Variants in COL17A1 observed in about 807,000 individuals in gnomAD.
COL17A1 encodes the protein collagen alpha-1(XVII) chain.
In COL17A1, 181 loss-of-function variants were observed where a neutral mutation model predicts 218.4. That is an observed-to-expected ratio of 0.83 (90% CI 0.73 to 0.94). The LOEUF is 0.94. COL17A1 is among the 40% of genes least tolerant of loss of function. The pLI, the probability that COL17A1 is intolerant of heterozygous loss-of-function variation, is 0.00. For missense variants in COL17A1, 1,924 were observed against 1,945.9 expected (o/e 0.99, Z 0.21); for synonymous variants, 721 against 731.0 (o/e 0.99, Z 0.22).
chr10:104,074,568 G>A (rs2086694164), intron 5 of COL17A1, among the ~76,000 whole-genome samples: 1 of 152,194 alleles, frequency 6.6e-6, no homozygotes, highest in Non-Finnish European at 1.5e-5. Flanking sequence ...CAAGTGACCT[G>A]CCCTGATCAA....
rs375832417 is a variant in COL17A1, at chr10:104,045,744, G to A, written c.2398+14C>T. On this transcript the variant is annotated intron_variant, in intron 33 of 55. Transcript: ENST00000648076. ...CAGTGAAAAGAAAGAAATCTCATTT[G>A]GAAATTCACTTACCTTTTATTCCTG... The A allele has an allele frequency of 1.9e-6, 3 of 1,605,162 alleles. No homozygotes were observed. The highest frequency in any genetic ancestry group is 2.6e-6 in the Non-Finnish European group (3 of 1,171,678).
chr10:104,040,461 G>C, intron 39 of COL17A1, 51 bp from the exon 40 acceptor site: 1 of 1,212,362 alleles, frequency 8.2e-7, no homozygotes. Flanking sequence ...TTGTGAAGAA[G>C]CAGCACTTTG....
At chr10:104,036,193 T>A (rs2086296163) in intron 48 of COL17A1, among the ~76,000 whole-genome samples, 4 of 150,168 alleles carry the variant, frequency 2.7e-5, no homozygotes, top group South Asian at 4.2e-4. Flanking sequence ...AGTGAGTGTG[T>A]GTGTGTATGG....
Position 104,031,569 on chromosome 10 carries a change from CAT to C in COL17A1, c.*664_*665del, listed in dbSNP as rs1392960823. The C allele has an allele frequency of 6.5e-6, 1 of 152,816 alleles. No homozygotes were observed. Among genetic ancestry groups the C allele is most frequent in the East Asian group, 1.9e-4 (1 of 5,200 alleles). 9.5% of individuals were successfully genotyped at this position (152,816 alleles called of 1,614,324 possible). A position where few individuals can be genotyped will look rare whatever the true frequency, so the allele number is the denominator to read the frequency against. On this transcript the variant is annotated 3_prime_UTR_variant, in exon 56 of 56. Transcript: ENST00000648076. ...TTTGCTCTGGCCTGGTTCAGTATAA[CAT>C]ATCCATGAACTCTAGTATGGGCCTA...
intron 53 of COL17A1, 44 bp downstream of exon 53, chr10:104,033,194 T>G: frequency 6.4e-7 from 1 of 1,566,460 alleles, no homozygotes; most frequent in Non-Finnish European, 8.7e-7. Flanking sequence ...CGTGGGAACC[T>G]ATGCAGTGAG....
At chr10:104,036,350 G>C (rs915475205) in intron 48 of COL17A1, 142 bp downstream of exon 48, 8 of 1,221,626 alleles carry the variant, frequency 6.5e-6, no homozygotes, top group African/African-American at 1.5e-5. Flanking sequence ...AGGTTTGAAC[G>C]GCTCTGAGCA....
chr10:104,083,738 C>T (rs564479563), intron 1 of COL17A1, among the ~76,000 whole-genome samples: 16 of 152,188 alleles, frequency 1.1e-4, no homozygotes, highest in Admixed American at 2.0e-4. Context: ...TGGGTTTAAA[C>T]CATCACATTA....
intron 17 of COL17A1, among the ~76,000 whole-genome samples, chr10:104,056,427 A>G (rs2086527252): frequency 6.6e-6 from 1 of 151,234 alleles, no homozygotes; most frequent in Non-Finnish European, 1.5e-5. Context: ...CTAAAAATAC[A>G]AAAAATTAGC....
At chr10:104,063,945 T>C in intron 10 of COL17A1, 127 bp from the exon 11 acceptor site, 1 of 1,398,210 alleles carries the variant, frequency 7.2e-7, no homozygotes, top group Non-Finnish European at 9.9e-7. Context: ...AAATTTTTGT[T>C]TTTAGGAAAA....
intron 2 of COL17A1, 21 bp downstream of exon 2, chr10:104,080,601 A>T (rs1172991373): frequency 3.1e-6 from 5 of 1,611,040 alleles, no homozygotes; most frequent in South Asian, 1.1e-5. Context: ...CACATAAATT[A>T]AAAAATTCTG....
intron 32 of COL17A1, 40 bp from the exon 33 acceptor site, chr10:104,045,833 C>T: frequency 6.4e-7 from 1 of 1,555,172 alleles, no homozygotes; most frequent in Non-Finnish European, 8.9e-7. Flanking sequence ...GATGAAGGCC[C>T]AGCAATTCCA....
intron 14 of COL17A1, 39 bp from the exon 15 acceptor site, chr10:104,059,757 C>T: frequency 6.3e-7 from 1 of 1,583,032 alleles, no homozygotes; most frequent in Non-Finnish European, 8.7e-7. Flanking sequence ...ATATTCTCTT[C>T]TCAACCTCTC....
chr10:104,047,293 C>CAT (rs1396188045), intron 31 of COL17A1, among the ~76,000 whole-genome samples: 1 of 151,998 alleles, frequency 6.6e-6, no homozygotes, highest in Non-Finnish European at 1.5e-5. Context: ...CCTCCTCGGC[C>CAT]TCGTGGGTGT....
At chr10:104,084,869 C>T (rs924869454) in intron 1 of COL17A1, among the ~76,000 whole-genome samples, 2 of 152,278 alleles carry the variant, frequency 1.3e-5, no homozygotes, top group African/African-American at 2.4e-5. Context: ...AATCTTGCTA[C>T]GTTTTACAAG....
intron 32 of COL17A1, among the ~76,000 whole-genome samples, chr10:104,046,455 T>C (rs1455983203): frequency 3.9e-5 from 6 of 152,020 alleles, no homozygotes; most frequent in Non-Finnish European, 7.4e-5. Flanking sequence ...TAGTGGGAGC[T>C]CAGCTATGAG....
chr10:104,034,450 C>T (rs2086253987), intron 51 of COL17A1, 116 bp from the exon 52 acceptor site: 2 of 1,474,204 alleles, frequency 1.4e-6, no homozygotes, highest in Admixed American at 2.1e-5. Context: ...AAGTGAACTT[C>T]AGGGTTCTTG....
chr10:104,040,626 G>A (rs12354633), intron 39 of COL17A1, among the ~76,000 whole-genome samples: 1 of 151,694 alleles, frequency 6.6e-6, no homozygotes, highest in African/African-American at 2.4e-5. Context: ...GGATGGATAG[G>A]TGGATGGGTA....
rs139418052 is a variant in COL17A1 at position 104,083,086 on chromosome 10, G to A, written c.-11-2402C>T. Among the ~76,000 whole-genome samples, 826 of 152,282 alleles carry A rather than the reference G, an allele frequency of 5.4e-3. 23 individuals are homozygous for A. The highest frequency in any genetic ancestry group is 0.042 in the Admixed American group (648 of 15,296). ...TGTTGGGAGACTGATTCCTTTAAACGAAATATAAGAGGAAACTTTCTATAA... is the reference window on the plus strand; with the variant it reads ...TGTTGGGAGACTGATTCCTTTAAACAAAATATAAGAGGAAACTTTCTATAA... On this transcript the variant is annotated intron_variant, in intron 1 of 55. Coordinates refer to ENST00000648076, the MANE Select transcript of COL17A1 (RefSeq NM_000494.4).
At chr10:104,060,998 T>C (rs1246547070) in intron 13 of COL17A1, among the ~76,000 whole-genome samples, 1 of 152,184 alleles carries the variant, frequency 6.6e-6, no homozygotes, top group Non-Finnish European at 1.5e-5. Context: ...GCTCACTGTA[T>C]GGTGCTGAAA....
Sources: gnomAD v4.1 joint callset for allele counts (sites outside exome capture counted in the v4.1 genomes callset) on GRCh38, gnomAD v4.1.1 for gene constraint, MANE v1.5 for transcripts, NCBI Gene and HGNC (gene_info 2026-07-23, HGNC 2026-07-21) for gene names.